The following PDGFRB variants were observed in gnomAD, a reference collection of about 807,000 sequenced individuals.
PDGFRB encodes platelet derived growth factor receptor beta, also known as platelet-derived growth factor receptor beta.
Under a neutral mutation model 120.2 loss-of-function variants are expected in PDGFRB, and 42 were observed. The observed-to-expected ratio is 0.35, with a 90% confidence interval of 0.27 to 0.45. PDGFRB has a LOEUF of 0.45. PDGFRB is among the 20% of genes least tolerant of loss of function. PDGFRB has a pLI of 1.00. For missense variants in PDGFRB, 1,149 were observed against 1,476.3 expected (o/e 0.78, Z 3.63); for synonymous variants, 586 against 606.8 (o/e 0.97, Z 0.50).
rs1189852609 is a variant in PDGFRB at position 150,133,960 on chromosome 5, T to C, written c.680A>G (p.Gln227Arg). Residue 227 changes from glutamine to arginine, a missense_variant, in exon 5 of 23, where the codon CAG becomes CGG. By Grantham distance (43) the Gln-to-Arg change is conservative. This residue lies in a region of PDGFRB where 879 missense variants were observed against 1,108.6 expected (regional missense o/e 0.79). Coordinates refer to ENST00000261799, the MANE Select transcript of PDGFRB (RefSeq NM_002609.4). ...SVNAVQTVVRQGENITLMCIV... is the reference protein window; with the variant it reads ...SVNAVQTVVRRGENITLMCIV... ...GCACATGAGGGTGATGTTCTCACCC[T>C]GGCGGACCACAGTCTGCACTGCGTT... 4 of 1,613,862 alleles carry C rather than the reference T, an allele frequency of 2.5e-6. No homozygotes were observed. Among genetic ancestry groups the C allele is most frequent in the Admixed American group, 1.7e-5 (1 of 60,028 alleles).
chr5:150,117,676 C>T lies in PDGFRB; in HGVS notation c.3079G>A (p.Asp1027Asn), dbSNP rs1283951256. The change falls in exon 22 of 23, where the codon GAC becomes AAC. Residue 1027 changes from aspartate to asparagine, a missense_variant. Physicochemically the swap from Asp to Asn is conservative, Grantham distance 23 (BLOSUM62 1). This residue lies in a region of PDGFRB where 202 missense variants were observed against 214.3 expected (regional missense o/e 0.94). Transcript: ENST00000261799. ...GDNDYIIPLP[D>N]PKPEVADEGP... Reference sequence around the variant, plus strand: ...TCGTCAGCAACCTCGGGTTTGGGGTCAGGCAGGGGGATGATATAGTCGTTG... The same window carrying T: ...TCGTCAGCAACCTCGGGTTTGGGGTTAGGCAGGGGGATGATATAGTCGTTG... The T allele has an allele frequency of 6.2e-7, 1 of 1,613,840 alleles. No individual in the cohort carries two copies. The highest frequency in any genetic ancestry group is 2.2e-5 in the East Asian group (1 of 44,838).
chr5:150,145,035 A>T (rs1760883370), intron 1 of PDGFRB, among the ~76,000 whole-genome samples: 3 of 152,192 alleles, frequency 2.0e-5, no homozygotes, highest in Admixed American at 2.0e-4. Flanking sequence ...ACACATGTGA[A>T]ACATCCACCT....
At chr5:150,155,297 CTTTTTTTT>C (rs35505256) in intron 1 of PDGFRB, 92 bp downstream of exon 1, 17 of 119,948 alleles carry the variant, frequency 1.4e-4, no homozygotes, top group South Asian at 3.0e-4. Flanking sequence ...AATATCTTCC[CTTTTTTTT>C]TTTTTTTTTT....
intron 1 of PDGFRB, among the ~76,000 whole-genome samples, chr5:150,140,401 G>GGA (rs1402610867): frequency 6.6e-6 from 1 of 152,190 alleles, no homozygotes; most frequent in East Asian, 1.9e-4. Flanking sequence ...TCCTGCCCAG[G>GGA]GAGGCCTCTA....
At chr5:150,147,953 C>G (rs1193814868) in intron 1 of PDGFRB, among the ~76,000 whole-genome samples, 4 of 152,202 alleles carry the variant, frequency 2.6e-5, no homozygotes, top group Non-Finnish European at 5.9e-5. Context: ...GCGCGCACAG[C>G]CAAGACTCCA....
intron 1 of PDGFRB, chr5:150,137,319 C>T: frequency 2.3e-6 from 1 of 433,538 alleles, no homozygotes; most frequent in Non-Finnish European, 4.1e-6. Context: ...GGCTGCGTCC[C>T]CAGACTCTCT....
At chr5:150,141,008 G>A (rs1232285612) in intron 1 of PDGFRB, among the ~76,000 whole-genome samples, 7 of 152,186 alleles carry the variant, frequency 4.6e-5, no homozygotes, top group South Asian at 2.1e-4. Context: ...GCATTGCTGC[G>A]GGGGTTGATG....
chr5:150,143,571 C>CAGCAGCT (rs1248405386), intron 1 of PDGFRB, among the ~76,000 whole-genome samples: 1 of 152,176 alleles, frequency 6.6e-6, no homozygotes, highest in East Asian at 1.9e-4. Context: ...GTCCTCCCGC[C>CAGCAGCT]AGCAGCTAAA....
rs540860295 is a variant in PDGFRB at position 150,122,198 on chromosome 5, C to A, written c.2184-158G>T. 5.7e-4 allele frequency: 352 copies of A among 619,486 alleles called. 1 individual carries two copies. In the East Asian group the frequency reaches 9.7e-3, roughly 17 times the overall value. The allele number at this position is 619,486 out of a possible 1,614,324, so 38.4% of individuals were successfully genotyped here. ...AGCCTGTGGATCAAGACTTTTCAAC[C>A]AACCTGCTGGGCCAAGCTGGGCACT... is the stretch of plus-strand genomic sequence containing the variant. On this transcript the variant is annotated intron_variant, in intron 15 of 22. Coordinates refer to ENST00000261799, the MANE Select transcript of PDGFRB (RefSeq NM_002609.4).
intron 1 of PDGFRB, among the ~76,000 whole-genome samples, chr5:150,151,861 CAAA>C (rs57873398): frequency 0.06 from 4,460 of 74,376 alleles, 228 homozygotes; most frequent in African/African-American, 0.17. Context: ...GACTCCATCT[CAAA>C]AAAAAAAAAA....
At chr5:150,129,569 G>A (rs912664275) in intron 10 of PDGFRB, among the ~76,000 whole-genome samples, 188 bp downstream of exon 10, 6 of 152,340 alleles carry the variant, frequency 3.9e-5, no homozygotes, top group South Asian at 2.1e-4. Context: ...TTGTACACGT[G>A]TGTACCCATA....
At position 150,121,393 on chromosome 5, in the gene PDGFRB, C is replaced by CT; in HGVS notation, c.2345-72dup. On this transcript the variant is annotated intron_variant, in intron 16 of 22. Transcript: ENST00000261799. The surrounding 1 kb of genome is among the most constrained non-coding windows in gnomAD (Gnocchi z 4.1). ...GGCCCACAGGACCCCTGCCCTTTGGCTCCTGGGAGACTGAATGTCCAAGAC... is the reference window on the plus strand; with the variant it reads ...GGCCCACAGGACCCCTGCCCTTTGGCTTCCTGGGAGACTGAATGTCCAAGAC... 1 of 797,504 alleles carries CT rather than the reference C, an allele frequency of 1.3e-6. No individual in the cohort carries two copies. The highest frequency in any genetic ancestry group is 1.7e-5 in the Admixed American group (1 of 58,820). 49.4% of individuals were successfully genotyped at this position (797,504 alleles called of 1,614,324 possible).
intron 1 of PDGFRB, among the ~76,000 whole-genome samples, chr5:150,139,969 ACT>A (rs960440151): frequency 1.9e-4 from 28 of 146,694 alleles, no homozygotes; most frequent in African/African-American, 7.1e-4. Flanking sequence ...ACAGAGTGAG[ACT>A]CTGTCTCAAA....
intron 15 of PDGFRB, 140 bp from the exon 16 acceptor site, chr5:150,122,180 G>A (rs1488746113): frequency 2.9e-6 from 2 of 679,378 alleles, no homozygotes; most frequent in Non-Finnish European, 4.9e-6. Flanking sequence ...GAAAGCCTGT[G>A]GATCAAGACT....
chr5:150,135,537 C>T lies in PDGFRB; in HGVS notation c.364+18G>A. ...ACAAGAGGGGTAAGGAGTGGGCACACAGGCTGGGAGCCCTTACCTGGCACA... is the reference window on the plus strand; with the variant it reads ...ACAAGAGGGGTAAGGAGTGGGCACATAGGCTGGGAGCCCTTACCTGGCACA... On this transcript the variant is annotated intron_variant, in intron 3 of 22. Coordinates refer to ENST00000261799, the MANE Select transcript of PDGFRB (RefSeq NM_002609.4). The T allele has an allele frequency of 1.3e-6, 2 of 1,537,588 alleles. No homozygotes were observed. The highest frequency in any genetic ancestry group is 1.8e-6 in the Non-Finnish European group (2 of 1,122,680).
chr5:150,153,894 G>T (rs1366188557), intron 1 of PDGFRB: 1 of 152,238 alleles, frequency 6.6e-6, no homozygotes, highest in Non-Finnish European at 1.5e-5. Flanking sequence ...AAGGTCTTCA[G>T]TGAGCTCCTC....
chr5:150,127,712 T>C (rs981960192), intron 10 of PDGFRB, among the ~76,000 whole-genome samples: 5 of 151,654 alleles, frequency 3.3e-5, no homozygotes, highest in African/African-American at 9.7e-5. Flanking sequence ...TGGACTGCTG[T>C]CATCCCAGCT....
chr5:150,133,929 C>G lies in PDGFRB; in HGVS notation c.711G>C (p.Val237=). The change falls in exon 5 of 23, where the codon GTG becomes GTC. Residue 237 remains valine, a synonymous_variant. Transcript: ENST00000261799. ...CGAAGTTGACCACCTCATTCCCGAT[C>G]ACAATGCACATGAGGGTGATGTTCT... is the stretch of plus-strand genomic sequence containing the variant. ...QGENITLMCI[V]IGNEVVNFEW... 1 of 1,613,980 alleles carries G rather than the reference C, an allele frequency of 6.2e-7. No individual in the cohort carries two copies. The highest frequency in any genetic ancestry group is 8.5e-7 in the Non-Finnish European group (1 of 1,179,854).
At chr5:150,126,149 AGAAT>A (rs1350406419) in intron 11 of PDGFRB, among the ~76,000 whole-genome samples, 1 of 152,264 alleles carries the variant, frequency 6.6e-6, no homozygotes, top group Non-Finnish European at 1.5e-5. Context: ...TAATAGGATC[AGAAT>A]GCATTTCAGT....
Sources: gnomAD v4.1 joint callset for allele counts (sites outside exome capture counted in the v4.1 genomes callset) on GRCh38, gnomAD v4.1.1 for gene constraint, gnomAD v4.1.1 regional missense constraint, Gnocchi (gnomAD v3.1) non-coding constraint, MANE v1.5 for transcripts, NCBI Gene and HGNC (gene_info 2026-07-23, HGNC 2026-07-21) for gene names.